SDCCAG8: variants seen among roughly 807,000 people sequenced by gnomAD.
SDCCAG8 encodes the protein SHH signaling and ciliogenesis regulator SDCCAG8, also known as serologically defined colon cancer antigen 8.
A neutral mutation model predicts 101.8 loss-of-function variants in SDCCAG8; 74 were observed. The ratio of observed to expected loss-of-function variants is 0.73; its 90% CI spans 0.60 to 0.88. The LOEUF (loss-of-function observed/expected upper bound fraction) is 0.88, where lower values mean the gene tolerates loss of function less well. SDCCAG8 is among the 40% of genes least tolerant of loss of function. The probability of loss-of-function intolerance (pLI) is 0.00; values close to 1 mark genes in which losing one functional copy is unlikely to be tolerated. For synonymous variants in SDCCAG8, 281 were observed against 292.9 expected (o/e 0.96, Z 0.41); for missense variants, 787 against 822.6 (o/e 0.96, Z 0.53).
chr1:243,304,035 T>C (rs573227052), intron 6 of SDCCAG8, among the ~76,000 whole-genome samples: 14 of 152,098 alleles, frequency 9.2e-5, no homozygotes, highest in African/African-American at 3.4e-4. Context: ...ATTGCGCCAC[T>C]GCACTCCAGC....
intron 9 of SDCCAG8, among the ~76,000 whole-genome samples, chr1:243,322,100 C>G (rs563205170): frequency 6.6e-6 from 1 of 152,356 alleles, no homozygotes; most frequent in South Asian, 2.1e-4. Flanking sequence ...TGAGAAATCT[C>G]TGTTAAACTT....
At chr1:243,404,631 C>T (rs532521846) in intron 13 of SDCCAG8, among the ~76,000 whole-genome samples, 2 of 151,980 alleles carry the variant, frequency 1.3e-5, no homozygotes, top group Non-Finnish European at 2.9e-5. Flanking sequence ...TGCTTTTTAC[C>T]TCCAGAATTG....
At position 243,256,055 on chromosome 1, in the gene SDCCAG8, T is replaced by A; in HGVS notation, c.-119T>A. The A allele has an allele frequency of 1.1e-6, 1 of 933,170 alleles. No homozygotes were observed. The highest frequency in any genetic ancestry group is 1.8e-6 in the Non-Finnish European group (1 of 560,202). 57.8% of individuals were successfully genotyped at this position (933,170 alleles called of 1,614,324 possible). ...CTCTGTGCGGGATTCTAGGCTCCCC[T>A]GTGACAGCCGCGGCAGGAAGCAGGC... On this transcript the variant is annotated 5_prime_UTR_variant, in exon 1 of 18. Coordinates refer to ENST00000366541, the MANE Select transcript of SDCCAG8 (RefSeq NM_006642.5).
At chr1:243,278,440 C>T (rs186962780) in intron 4 of SDCCAG8, among the ~76,000 whole-genome samples, 87 of 152,220 alleles carry the variant, frequency 5.7e-4, no homozygotes, top group African/African-American at 2.0e-3. Flanking sequence ...AGGCTGCTCT[C>T]GAACTCCTGA....
intron 16 of SDCCAG8, among the ~76,000 whole-genome samples, chr1:243,484,792 TC>T (rs750022613): frequency 1.3e-5 from 2 of 152,200 alleles, no homozygotes; most frequent in African/African-American, 2.4e-5. Flanking sequence ...ACGCCTGTAA[TC>T]CCAGCACTTT....
Position 243,417,988 on chromosome 1 carries a change from C to T in SDCCAG8, c.1765C>T (p.Leu589=), listed in dbSNP as rs1165938661. Residue 589 remains leucine, a synonymous_variant, in exon 15 of 18, where the codon CTG becomes TTG. Transcript: ENST00000366541. ...DKTENEQYLL[L]TSQNTFLTKL... ...TCTAGAAAATGAACAGTATTTGTTGCTGACCTCCCAGAATACATTTTTGAC... is the reference window on the plus strand; with the variant it reads ...TCTAGAAAATGAACAGTATTTGTTGTTGACCTCCCAGAATACATTTTTGAC... 6.2e-7 allele frequency: 1 copy of T among 1,611,314 alleles called. No homozygotes were observed. The highest frequency in any genetic ancestry group is 1.3e-5 in the African/African-American group (1 of 74,922).
At chr1:243,419,154 C>G (rs893440535) in intron 15 of SDCCAG8, among the ~76,000 whole-genome samples, 11 of 152,192 alleles carry the variant, frequency 7.2e-5, no homozygotes, top group Admixed American at 7.2e-4. Context: ...CCAACTCTCC[C>G]TGCTCACCAG....
At chr1:243,302,886 A>G (rs528518042) in intron 6 of SDCCAG8, among the ~76,000 whole-genome samples, 31 of 152,350 alleles carry the variant, frequency 2.0e-4, no homozygotes, top group African/African-American at 7.0e-4. Flanking sequence ...TGAGAGGATT[A>G]CAGCATTGAA....
chr1:243,333,351 G>C (rs564086252), intron 10 of SDCCAG8, among the ~76,000 whole-genome samples: 24 of 152,120 alleles, frequency 1.6e-4, no homozygotes, highest in Non-Finnish European at 3.2e-4. Flanking sequence ...CTTAATTTTT[G>C]GCACGCAAGA....
Position 243,408,271 on chromosome 1 carries a change from T to G in SDCCAG8, c.1617-7431T>G, listed in dbSNP as rs112736423. Among the ~76,000 whole-genome samples, 118 of 152,254 alleles carry G rather than the reference T, an allele frequency of 7.8e-4. 1 individual carries two copies. The highest frequency in any genetic ancestry group is 1.3e-3 in the Admixed American group (20 of 15,288). ...ACTATTCCAGATTTTCGGGATAAAT[T>G]AGTGAGCAAAACAAAGGTTCCTATT... is the stretch of plus-strand genomic sequence containing the variant. On this transcript the variant is annotated intron_variant, in intron 13 of 17. Transcript: ENST00000366541.
intron 10 of SDCCAG8, among the ~76,000 whole-genome samples, chr1:243,339,880 G>C (rs2075283227): frequency 6.6e-6 from 1 of 152,146 alleles, no homozygotes; most frequent in South Asian, 2.1e-4. Context: ...ACCAGTTCTT[G>C]TTTTAACAGA....
chr1:243,338,308 G>A (rs913049420), intron 10 of SDCCAG8, among the ~76,000 whole-genome samples: 1 of 152,152 alleles, frequency 6.6e-6, no homozygotes, highest in Admixed American at 6.5e-5. Flanking sequence ...TAAGTGCTAG[G>A]CAGTTAAAGT....
intron 13 of SDCCAG8, among the ~76,000 whole-genome samples, chr1:243,381,574 G>GT (rs2077959833): frequency 6.6e-6 from 1 of 151,694 alleles, no homozygotes; most frequent in Non-Finnish European, 1.5e-5. Flanking sequence ...GGGTGACAGA[G>GT]TAAGACCCTG....
chr1:243,270,527 G>A lies in SDCCAG8; in HGVS notation c.220+270G>A, dbSNP rs74150964. On this transcript the variant is annotated intron_variant, in intron 2 of 17. Transcript: ENST00000366541. ...CGGCTCATCTTTGTGTACTTCTCAT[G>A]CTAATCATCCATCTCACAACTCATA... Among the ~76,000 whole-genome samples the A allele has an allele frequency of 6.1e-3, 934 of 152,262 alleles. 4 individuals carry two copies. Among genetic ancestry groups the A allele is most frequent in the African/African-American group, 0.021 (882 of 41,558 alleles).
chr1:243,442,909 T>A (rs1332697401), intron 16 of SDCCAG8, among the ~76,000 whole-genome samples: 1 of 152,232 alleles, frequency 6.6e-6, no homozygotes, highest in African/African-American at 2.4e-5. Context: ...AATAGTCCAT[T>A]AAAATTCAAA....
Position 243,378,619 on chromosome 1 carries a change from T to C in SDCCAG8, c.1474-102T>C. ...GCTAGCCTAAATTTTCTAATAATTTTTTATCAAATTGAAATTCATGGCAAA... is the reference window on the plus strand; with the variant it reads ...GCTAGCCTAAATTTTCTAATAATTTCTTATCAAATTGAAATTCATGGCAAA... On this transcript the variant is annotated intron_variant, in intron 12 of 17. Transcript: ENST00000366541. 3 of 1,307,372 alleles carry C rather than the reference T, an allele frequency of 2.3e-6. No individual in the cohort carries two copies. In the South Asian group the frequency reaches 3.9e-5, roughly 17 times the overall value. The allele number at this position is 1,307,372 out of a possible 1,614,324, so 81.0% of individuals were successfully genotyped here.
intron 16 of SDCCAG8, among the ~76,000 whole-genome samples, chr1:243,481,654 TAGTG>T (rs2148230489): frequency 6.6e-6 from 1 of 152,226 alleles, no homozygotes; most frequent in Admixed American, 6.5e-5. Context: ...CCCAGGGAAA[TAGTG>T]AGTCTAAGCA....
chr1:243,378,638 T>C, intron 12 of SDCCAG8, 83 bp from the exon 13 acceptor site: 3 of 1,454,512 alleles, frequency 2.1e-6, no homozygotes, highest in Non-Finnish European at 2.9e-6. Context: ...TTGAAATTCA[T>C]GGCAAAAAAT....
At chr1:243,287,232 T>A (rs979819760) in intron 5 of SDCCAG8, among the ~76,000 whole-genome samples, 12 of 152,246 alleles carry the variant, frequency 7.9e-5, no homozygotes, top group Admixed American at 7.2e-4. Flanking sequence ...TAGTCACAGC[T>A]TGTTCTGCTT....
Sources: allele counts gnomAD v4.1 joint callset (sites outside exome capture counted in the v4.1 genomes callset), GRCh38; gene constraint gnomAD v4.1.1; transcripts MANE v1.5; gene names NCBI Gene and HGNC (gene_info 2026-07-23, HGNC 2026-07-21).